The following TBCE variants were observed in gnomAD, a reference collection of about 807,000 sequenced individuals.
TBCE encodes the protein tubulin folding cofactor E.
TBCE carries 53 observed loss-of-function variants against 77.0 expected under a neutral mutation model. The observed-to-expected ratio is 0.69, with a 90% confidence interval of 0.55 to 0.87. TBCE has a LOEUF of 0.87. TBCE is among the 40% of genes least tolerant of loss of function. TBCE has a pLI of 0.00. For missense variants in TBCE, 624 were observed against 622.4 expected (o/e 1.00, Z -0.03); for synonymous variants, 235 against 241.3 (o/e 0.97, Z 0.24).
At chr1:235,414,705 C>T (rs185783955) in intron 4 of TBCE, 87 bp downstream of exon 4, 66 of 1,331,668 alleles carry the variant, frequency 5.0e-5, no homozygotes, top group Admixed American at 3.1e-4. Context: ...TATGGATGCT[C>T]ATGACTTTGC....
In TBCE at chr1:235,450,257, C is replaced by T. The variant is rs767391924; in HGVS notation, c.*1495C>T. 1 of 1,614,132 alleles carries T rather than the reference C, an allele frequency of 6.2e-7. No homozygotes were observed. Among genetic ancestry groups the T allele is most frequent in the Non-Finnish European group, 8.5e-7 (1 of 1,179,970 alleles). On this transcript the variant is annotated 3_prime_UTR_variant, in exon 17 of 17. Transcript: ENST00000642610. ...CACCGCACCGTTCCTTCAGTTTCCA[C>T]AGTTCCGTCAGTTCCCACGGAGAAT... is the stretch of plus-strand genomic sequence containing the variant.
intron 5 of TBCE, among the ~76,000 whole-genome samples, chr1:235,422,381 C>T (rs1027408827): frequency 1.3e-5 from 2 of 151,472 alleles, no homozygotes; most frequent in South Asian, 2.1e-4. Flanking sequence ...GGTATGGTTA[C>T]GGACGCCTCT....
At chr1:235,442,996 T>C (rs1403716238) in intron 15 of TBCE, 85 bp downstream of exon 15, 25 of 1,322,618 alleles carry the variant, frequency 1.9e-5, no homozygotes, top group African/African-American at 2.9e-5. Context: ...CTTTAACTCA[T>C]GTCTCAAAGT....
chr1:235,437,218 C>T (rs575503980), intron 11 of TBCE, 104 bp from the exon 12 acceptor site: 4 of 1,405,382 alleles, frequency 2.8e-6, no homozygotes, highest in East Asian at 4.6e-5. Context: ...AATTCCCTGC[C>T]TCAGATTAGA....
intron 12 of TBCE, among the ~76,000 whole-genome samples, chr1:235,438,555 A>AAAT (rs1681612461): frequency 6.6e-6 from 1 of 151,644 alleles, no homozygotes; most frequent in South Asian, 2.1e-4. Flanking sequence ...CTCAAATTAA[A>AAAT]AAAAAAAAGA....
At chr1:235,386,208 C>A (rs1018406067) in intron 2 of TBCE, among the ~76,000 whole-genome samples, 5 of 152,164 alleles carry the variant, frequency 3.3e-5, no homozygotes, top group Non-Finnish European at 5.9e-5. Flanking sequence ...ATGGGCTTCC[C>A]TTTGTCTCTG....
intron 1 of TBCE, among the ~76,000 whole-genome samples, chr1:235,371,037 G>GTTT (rs1558339723): frequency 3.5e-4 from 14 of 39,642 alleles, no homozygotes; most frequent in South Asian, 7.7e-4. Flanking sequence ...ATCACGCCTG[G>GTTT]CTTTTTTTTT....
chr1:235,416,393 G>A (rs1353027640), intron 4 of TBCE, among the ~76,000 whole-genome samples: 2 of 151,926 alleles, frequency 1.3e-5, no homozygotes, highest in East Asian at 3.8e-4. Flanking sequence ...GGGTGTAGTG[G>A]TGCGTGCCTA....
chr1:235,450,148 T>C lies in TBCE; in HGVS notation c.*1386T>C. On this transcript the variant is annotated 3_prime_UTR_variant, in exon 17 of 17. Transcript: ENST00000642610. Reference sequence around the variant, plus strand: ...GCTAAACCCTGGGACTCCTCAGACTTGCACTCAGATTATCGTTTGCCTGCC... The same window carrying C: ...GCTAAACCCTGGGACTCCTCAGACTCGCACTCAGATTATCGTTTGCCTGCC... The C allele has an allele frequency of 6.3e-7, 1 of 1,598,772 alleles. No individual in the cohort carries two copies. The highest frequency in any genetic ancestry group is 2.2e-5 in the East Asian group (1 of 44,786).
At chr1:235,378,103 GTTT>G (rs1677408529) in intron 1 of TBCE, among the ~76,000 whole-genome samples, 6 of 152,002 alleles carry the variant, frequency 3.9e-5, no homozygotes, top group African/African-American at 4.8e-5. Flanking sequence ...TTTTTCTTTT[GTTT>G]TGTACACATA....
intron 5 of TBCE, chr1:235,423,585 GCC>G (rs1680531333): frequency 6.5e-6 from 1 of 153,662 alleles, no homozygotes; most frequent in Admixed American, 6.5e-5. Context: ...AGCTAGGGCA[GCC>G]GAGAGGAGGC....
chr1:235,374,920 C>CTTTTTTTTT (rs1241323977), intron 1 of TBCE, among the ~76,000 whole-genome samples: 3 of 111,986 alleles, frequency 2.7e-5, no homozygotes, highest in East Asian at 2.3e-4. Context: ...CTTTTTTTTT[C>CTTTTTTTTT]TTTTTTTTTT....
At chr1:235,445,151 A>G (rs535814849) in intron 15 of TBCE, among the ~76,000 whole-genome samples, 29 of 152,346 alleles carry the variant, frequency 1.9e-4, no homozygotes, top group African/African-American at 6.7e-4. Flanking sequence ...TCTGAGTCCT[A>G]TATTCTATAA....
chr1:235,407,372 C>T (rs949518934), intron 3 of TBCE, among the ~76,000 whole-genome samples: 4 of 152,050 alleles, frequency 2.6e-5, no homozygotes, highest in African/African-American at 4.8e-5. Flanking sequence ...AGGTGTTACC[C>T]GCCGTGTCCT....
chr1:235,367,969 G>C (rs962337645), intron 1 of TBCE, among the ~76,000 whole-genome samples: 5 of 152,134 alleles, frequency 3.3e-5, no homozygotes, highest in African/African-American at 1.2e-4. Context: ...GCGGATCTCT[G>C]ATCTCGGCTT....
intron 4 of TBCE, 111 bp from the exon 5 acceptor site, chr1:235,419,362 G>T: frequency 1.4e-6 from 2 of 1,473,280 alleles, no homozygotes; most frequent in East Asian, 4.6e-5. Flanking sequence ...ACTGGTATTT[G>T]TATATTATTT....
Position 235,430,755 on chromosome 1 carries a change from C to T in TBCE, c.611C>T (p.Ser204Phe). The T allele has an allele frequency of 6.2e-7, 1 of 1,613,766 alleles. No homozygotes were observed. Among genetic ancestry groups the T allele is most frequent in the Non-Finnish European group, 8.5e-7 (1 of 1,179,858 alleles). The change falls in exon 7 of 17, where the codon TCT (serine) becomes TTT (phenylalanine). Residue 204 changes from serine to phenylalanine, a missense_variant. Physicochemically the swap from Ser to Phe is radical, Grantham distance 155. Coordinates refer to ENST00000642610, the MANE Select transcript of TBCE (RefSeq NM_003193.5). Reference protein sequence around the residue: ...PSGSVLTGTLSVLKVLVLNQT... With the variant: ...PSGSVLTGTLFVLKVLVLNQT... ...GGTTCAGTATTAACTGGAACGCTTT[C>T]TGTACTGAAGGTTTTAGTCCTCAAT...
At chr1:235,410,285 C>G (rs141471022) in intron 3 of TBCE, among the ~76,000 whole-genome samples, 3 of 152,108 alleles carry the variant, frequency 2.0e-5, no homozygotes, top group Non-Finnish European at 4.4e-5. Flanking sequence ...AATGGCTACT[C>G]CATAGGCAGA....
At chr1:235,381,833 CTTTAAG>C (rs1423237611) in intron 2 of TBCE, among the ~76,000 whole-genome samples, 1 of 140,286 alleles carries the variant, frequency 7.1e-6, no homozygotes, top group Admixed American at 7.3e-5. Flanking sequence ...TATTATTATA[CTTTAAG>C]TTTTAGGGTA....
Sources: gnomAD v4.1 joint callset for allele counts (sites outside exome capture counted in the v4.1 genomes callset) on GRCh38, gnomAD v4.1.1 for gene constraint, MANE v1.5 for transcripts, NCBI Gene and HGNC (gene_info 2026-07-23, HGNC 2026-07-21) for gene names.